Variants in ZC3H7A observed in about 807,000 individuals in gnomAD.
ZC3H7A encodes zinc finger CCCH-type containing 7A.
In ZC3H7A, 44 loss-of-function variants were observed where a neutral mutation model predicts 125.5. The observed-to-expected ratio is 0.35, with a 90% CI of 0.28 to 0.45. The LOEUF (loss-of-function observed/expected upper bound fraction) is 0.45. ZC3H7A is among the 20% of genes least tolerant of loss of function. The pLI is 1.00. For missense variants in ZC3H7A, 977 were observed against 1,170.7 expected (o/e 0.83, Z 2.41); for synonymous variants, 399 against 391.2 (o/e 1.02, Z -0.23).
At chr16:11,752,895 AGGGAGCCCAGGCTGGT>A in intron 21 of ZC3H7A, 63 bp from the exon 22 acceptor site, 1 of 1,562,402 alleles carries the variant, frequency 6.4e-7, no homozygotes, top group African/African-American at 1.4e-5. Context: ...ACTCAATTCC[AGGGAGCCCAGGCTGGT>A]GGGAGAGCCA....
In ZC3H7A at chr16:11,756,250, T is replaced by A; in HGVS notation, c.2549A>T (p.Tyr850Phe). 1 of 1,613,912 alleles carries A rather than the reference T, an allele frequency of 6.2e-7. No homozygotes were observed. The highest frequency in any genetic ancestry group is 1.1e-5 in the South Asian group (1 of 90,994). Residue 850 changes from tyrosine (Y) to phenylalanine (F), a missense_variant, in exon 21 of 23, where the codon TAT becomes TTT. This residue lies in a region of ZC3H7A where 436 missense variants were observed against 603.2 expected (regional missense o/e 0.72). Transcript: ENST00000355758. ...NGKQIHMPTDYAEVTVDFHCW... is the reference protein window; with the variant it reads ...NGKQIHMPTDFAEVTVDFHCW... ...CACGGTACTCACTGTAACTTCAGCA[T>A]AATCTGTTGGCATGTGAATTTGTTT...
intron 13 of ZC3H7A, among the ~76,000 whole-genome samples, chr16:11,767,160 TAC>T (rs2052874569): frequency 6.6e-6 from 1 of 152,204 alleles, no homozygotes; most frequent in Admixed American, 6.5e-5. Flanking sequence ...TATGTTTAGA[TAC>T]ACAGATACCA....
intron 18 of ZC3H7A, 88 bp downstream of exon 18, chr16:11,761,822 G>T (rs1041015150): frequency 1.9e-6 from 3 of 1,546,142 alleles, no homozygotes; most frequent in Non-Finnish European, 2.6e-6. Flanking sequence ...TCTCTTCAAA[G>T]CCTTAAACTT....
chr16:11,758,911 A>G (rs982444806), intron 19 of ZC3H7A: 1 of 217,984 alleles, frequency 4.6e-6, no homozygotes, highest in African/African-American at 2.4e-5. Context: ...CCACATCAGC[A>G]CTTGAAAGCA....
chr16:11,790,766 C>CTCCTCA (rs2053336860), intron 1 of ZC3H7A, among the ~76,000 whole-genome samples: 1 of 151,858 alleles, frequency 6.6e-6, no homozygotes. Flanking sequence ...CTTGAACTCC[C>CTCCTCA]GACCTCAGGT....
chr16:11,787,807 A>G (rs1355257907), intron 1 of ZC3H7A, among the ~76,000 whole-genome samples: 2 of 152,064 alleles, frequency 1.3e-5, no homozygotes, highest in Non-Finnish European at 2.9e-5. Flanking sequence ...TTAGCCGGGC[A>G]TGGTGGCAGG....
chr16:11,751,196 G>T lies in ZC3H7A; in HGVS notation c.*121C>A. The T allele has an allele frequency of 9.1e-7, 1 of 1,100,476 alleles. No individual in the cohort carries two copies. The highest frequency in any genetic ancestry group is 1.3e-6 in the Non-Finnish European group (1 of 794,922). 68.2% of individuals were successfully genotyped at this position (1,100,476 alleles called of 1,614,324 possible). A position where few individuals can be genotyped will look rare whatever the true frequency, so the allele number is the denominator to read the frequency against. On this transcript the variant is annotated 3_prime_UTR_variant, in exon 23 of 23. Transcript: ENST00000355758. The stretch of plus-strand genomic sequence containing the variant: ...CCTACCTACTGTGGGTTGCTGCTCA[G>T]GAGGAACGATATACGCCAATACAAG...
At chr16:11,792,524 A>G (rs1183458000) in intron 1 of ZC3H7A, among the ~76,000 whole-genome samples, 1 of 152,268 alleles carries the variant, frequency 6.6e-6, no homozygotes, top group African/African-American at 2.4e-5. Context: ...TCACATTAAC[A>G]GAAGACATCA....
intron 3 of ZC3H7A, among the ~76,000 whole-genome samples, chr16:11,780,368 G>A (rs2053155795): frequency 6.6e-6 from 1 of 152,040 alleles, no homozygotes; most frequent in South Asian, 2.1e-4. Flanking sequence ...TGATCCGCCT[G>A]CTTCAGCCTC....
At position 11,761,527 on chromosome 16, in the gene ZC3H7A, T is replaced by A. The variant is rs780051794; in HGVS notation, c.2214-16A>T. 2.5e-6 allele frequency: 4 copies of A among 1,612,864 alleles called. No homozygotes were observed. In the South Asian group the frequency reaches 4.4e-5, roughly 18 times the overall value. On this transcript the variant is annotated splice_polypyrimidine_tract_variant and intron_variant, in intron 18 of 22. Coordinates refer to ENST00000355758, the MANE Select transcript of ZC3H7A (RefSeq NM_014153.4). ...TTTGGTCCACCTAAGAAAAATGGAGTTCAGAAAAAAACAAAGACACACGAG... is the reference window on the plus strand; with the variant it reads ...TTTGGTCCACCTAAGAAAAATGGAGATCAGAAAAAAACAAAGACACACGAG...
chr16:11,792,672 A>G (rs1486359887), intron 1 of ZC3H7A, among the ~76,000 whole-genome samples: 1 of 152,252 alleles, frequency 6.6e-6, no homozygotes, highest in Non-Finnish European at 1.5e-5. Context: ...TACTATAAAG[A>G]AACTGAAATA....
At chr16:11,795,476 G>A (rs1209205033) in intron 1 of ZC3H7A, among the ~76,000 whole-genome samples, 1 of 152,224 alleles carries the variant, frequency 6.6e-6, no homozygotes, top group Non-Finnish European at 1.5e-5. Context: ...TCGCTCTGTT[G>A]CCCAGGGAGG....
intron 1 of ZC3H7A, among the ~76,000 whole-genome samples, chr16:11,786,613 G>A (rs1474257796): frequency 1.3e-5 from 2 of 152,138 alleles, no homozygotes; most frequent in African/African-American, 2.4e-5. Flanking sequence ...GGATACAGAC[G>A]TTTTTAATGC....
At chr16:11,764,760 T>C (rs1280356058) in intron 15 of ZC3H7A, among the ~76,000 whole-genome samples, 1 of 151,996 alleles carries the variant, frequency 6.6e-6, no homozygotes, top group African/African-American at 2.4e-5. Flanking sequence ...CTACATGCAA[T>C]TGTTGAATTA....
chr16:11,759,435 G>A (rs544864307), intron 19 of ZC3H7A: 2 of 152,200 alleles, frequency 1.3e-5, no homozygotes, highest in South Asian at 2.1e-4. Flanking sequence ...CCTTAACACT[G>A]TACATTTCCT....
chr16:11,788,262 A>G (rs1341827824), intron 1 of ZC3H7A, among the ~76,000 whole-genome samples: 1 of 150,494 alleles, frequency 6.6e-6, no homozygotes, highest in Non-Finnish European at 1.5e-5. Flanking sequence ...ATCTCCACAG[A>G]CCTCTCACCT....
chr16:11,755,965 C>T (rs1279037665), intron 21 of ZC3H7A, among the ~76,000 whole-genome samples: 1 of 152,118 alleles, frequency 6.6e-6, no homozygotes. Context: ...GAGTTCGAGA[C>T]CATCCTGGCC....
At chr16:11,782,416 A>C in intron 1 of ZC3H7A, 28 bp from the exon 2 acceptor site, 1 of 1,598,042 alleles carries the variant, frequency 6.3e-7, no homozygotes, top group Non-Finnish European at 8.6e-7. Flanking sequence ...AAAAAAGCAC[A>C]TAAGGTACCA....
chr16:11,763,113 GTT>G (rs762463810), intron 16 of ZC3H7A: 227 of 187,168 alleles, frequency 1.2e-3, no homozygotes, highest in South Asian at 4.3e-3. Flanking sequence ...ATTCCTTTTT[GTT>G]TTTTTTTTTT....
Sources: allele counts gnomAD v4.1 joint callset (sites outside exome capture counted in the v4.1 genomes callset), GRCh38; gene constraint gnomAD v4.1.1; regional missense constraint gnomAD v4.1.1; transcripts MANE v1.5; gene names NCBI Gene and HGNC (gene_info 2026-07-23, HGNC 2026-07-21).